Variants in GALNT13 observed in about 807,000 individuals in gnomAD.
The protein encoded by GALNT13 is UDP-GalNAc:polypeptide N-acetylgalactosaminyltransferase 13.
A neutral mutation model predicts 64.2 loss-of-function variants in GALNT13; 28 were observed. The ratio of observed to expected loss-of-function variants is 0.44; its 90% CI spans 0.32 to 0.60. GALNT13 has a LOEUF of 0.60. Among genes scored for constraint, GALNT13 ranks in the 20% least tolerant of loss-of-function variants. The pLI is 0.05. For synonymous variants in GALNT13, 214 were observed against 224.6 expected (o/e 0.95, Z 0.42); for missense variants, 577 against 669.8 (o/e 0.86, Z 1.53).
intron 4 of GALNT13, among the ~76,000 whole-genome samples, chr2:154,190,965 A>G (rs747683361): frequency 3.9e-5 from 6 of 152,192 alleles, no homozygotes; most frequent in Non-Finnish European, 5.9e-5. Context: ...TACTTAATGG[A>G]CATCTCAATT....
At chr2:153,941,882 G>T (rs989541672) in intron 2 of GALNT13, among the ~76,000 whole-genome samples, 5 of 152,100 alleles carry the variant, frequency 3.3e-5, no homozygotes, top group African/African-American at 7.2e-5. Context: ...ACATGATATA[G>T]TTAGAATTCT....
the GALNT13 span, among the ~76,000 whole-genome samples, chr2:153,454,748 A>G: frequency 6.6e-6 from 1 of 152,212 alleles, no homozygotes; most frequent in African/African-American, 2.4e-5. Context: ...ACATGTCTTG[A>G]ATGAAAAGTA....
the GALNT13 span, among the ~76,000 whole-genome samples, chr2:153,497,152 C>A: frequency 6.6e-6 from 1 of 152,038 alleles, no homozygotes; most frequent in Non-Finnish European, 1.5e-5. Flanking sequence ...TTTTTAATAG[C>A]CAAAATTTTT....
the GALNT13 span, among the ~76,000 whole-genome samples, chr2:153,683,148 G>A: frequency 1.3e-5 from 2 of 151,636 alleles, no homozygotes; most frequent in South Asian, 4.1e-4. Context: ...ACTAATGTTC[G>A]AGCTCTGATG....
At chr2:153,678,871 A>G in the GALNT13 span, among the ~76,000 whole-genome samples, 1 of 152,148 alleles carries the variant, frequency 6.6e-6, no homozygotes, top group East Asian at 1.9e-4. Flanking sequence ...GGAACTACAT[A>G]TCCCAGAATT....
intron 3 of GALNT13, among the ~76,000 whole-genome samples, chr2:154,081,313 G>A (rs929763853): frequency 6.6e-6 from 1 of 151,582 alleles, no homozygotes; most frequent in Non-Finnish European, 1.5e-5. Context: ...TCTCGAGAGA[G>A]AATCAGGTAT....
the GALNT13 span, among the ~76,000 whole-genome samples, chr2:153,392,966 A>G: frequency 6.6e-6 from 1 of 151,968 alleles, no homozygotes; most frequent in Non-Finnish European, 1.5e-5. Context: ...CAACATCTGT[A>G]AAAAAAGAGA....
intron 11 of GALNT13, among the ~76,000 whole-genome samples, chr2:154,426,275 A>G (rs1037485668): frequency 1.3e-5 from 2 of 152,202 alleles, no homozygotes; most frequent in African/African-American, 2.4e-5. Context: ...GTTATGTGCC[A>G]TGTAGCTCTC....
chr2:153,416,971 G>T, the GALNT13 span, among the ~76,000 whole-genome samples: 9 of 152,216 alleles, frequency 5.9e-5, no homozygotes, highest in Non-Finnish European at 1.3e-4. Flanking sequence ...GCATGGGAAT[G>T]AGTGATATGG....
chr2:153,785,173 G>A, the GALNT13 span, among the ~76,000 whole-genome samples: 13 of 152,246 alleles, frequency 8.5e-5, no homozygotes, highest in East Asian at 1.5e-3. Flanking sequence ...TGGAGAGTCC[G>A]AAGCAACTAG....
At chr2:153,208,674 A>T in the GALNT13 span, among the ~76,000 whole-genome samples, 1 of 152,170 alleles carries the variant, frequency 6.6e-6, no homozygotes, top group Non-Finnish European at 1.5e-5. Context: ...CCTAAGAGGA[A>T]AATTAGTAGG....
At chr2:153,321,578 C>T in the GALNT13 span, among the ~76,000 whole-genome samples, 6 of 152,270 alleles carry the variant, frequency 3.9e-5, no homozygotes, top group African/African-American at 1.4e-4. Flanking sequence ...ACTGTTGTTT[C>T]TTAAGAACAT....
intron 9 of GALNT13, among the ~76,000 whole-genome samples, chr2:154,390,289 G>A (rs546428970): frequency 2.6e-5 from 4 of 152,268 alleles, no homozygotes; most frequent in African/African-American, 9.6e-5. Flanking sequence ...GTAAACTTGT[G>A]TCAAGGAGGT....
At chr2:154,175,776 C>T (rs1415710400) in intron 4 of GALNT13, among the ~76,000 whole-genome samples, 1 of 152,072 alleles carries the variant, frequency 6.6e-6, no homozygotes, top group Non-Finnish European at 1.5e-5. Flanking sequence ...TAATAACTAT[C>T]ATAATTTCAA....
the GALNT13 span, among the ~76,000 whole-genome samples, chr2:153,712,590 G>A: frequency 1.3e-5 from 2 of 152,228 alleles, no homozygotes; most frequent in East Asian, 3.9e-4. Context: ...CTTTTTGCCT[G>A]GTGATCTGTG....
intron 4 of GALNT13, among the ~76,000 whole-genome samples, chr2:154,228,727 C>T (rs1688759355): frequency 6.6e-6 from 1 of 152,004 alleles, no homozygotes; most frequent in Non-Finnish European, 1.5e-5. Context: ...AAAACAGGAA[C>T]TAGGGAGGAG....
At chr2:153,470,198 G>C in the GALNT13 span, among the ~76,000 whole-genome samples, 1 of 152,078 alleles carries the variant, frequency 6.6e-6, no homozygotes, top group Admixed American at 6.5e-5. Flanking sequence ...GGTGACCATT[G>C]TTATAGGTCC....
chr2:153,492,636 T>C, the GALNT13 span, among the ~76,000 whole-genome samples: 47 of 152,176 alleles, frequency 3.1e-4, no homozygotes, highest in Non-Finnish European at 6.8e-4. Context: ...CGAAATAATG[T>C]TCACATGAAA....
intron 9 of GALNT13, among the ~76,000 whole-genome samples, chr2:154,347,839 A>G (rs898583168): frequency 6.6e-6 from 1 of 152,194 alleles, no homozygotes; most frequent in African/African-American, 2.4e-5. Context: ...ACTAAGTAAC[A>G]TTCTAAGATC....
Sources: allele counts gnomAD v4.1 joint callset (sites outside exome capture counted in the v4.1 genomes callset), GRCh38; gene constraint gnomAD v4.1.1; transcripts MANE v1.5; gene names NCBI Gene and HGNC (gene_info 2026-07-23, HGNC 2026-07-21).